PLEKHA7: variants seen among roughly 807,000 people sequenced by gnomAD.
PLEKHA7 encodes the protein pleckstrin homology domain-containing family A member 7.
A neutral mutation model predicts 170.0 loss-of-function variants in PLEKHA7; 104 were observed. The observed-to-expected ratio is 0.61, with a 90% CI of 0.52 to 0.72. The LOEUF is 0.72. PLEKHA7 is among the 30% of genes least tolerant of loss of function. PLEKHA7 has a pLI of 0.00. For missense variants in PLEKHA7, 1,615 were observed against 1,671.7 expected (o/e 0.97, Z 0.59); for synonymous variants, 648 against 660.8 (o/e 0.98, Z 0.30).
chr11:16,819,991 T>C (rs1385413378), intron 10 of PLEKHA7, among the ~76,000 whole-genome samples: 1 of 152,254 alleles, frequency 6.6e-6, no homozygotes, highest in South Asian at 2.1e-4. Context: ...TGAATGTCAA[T>C]TGGTTTGATG....
chr11:16,934,740 T>G (rs2136350787), intron 3 of PLEKHA7, among the ~76,000 whole-genome samples: 1 of 152,342 alleles, frequency 6.6e-6, no homozygotes, highest in Non-Finnish European at 1.5e-5. Flanking sequence ...GAATACTCAG[T>G]GTATGGTCTT....
At chr11:16,942,951 C>T (rs992316782) in intron 3 of PLEKHA7, among the ~76,000 whole-genome samples, 11 of 152,296 alleles carry the variant, frequency 7.2e-5, no homozygotes, top group South Asian at 4.1e-4. Context: ...ACAATGCTAA[C>T]GCTCAAAGTT....
intron 3 of PLEKHA7, among the ~76,000 whole-genome samples, chr11:16,936,664 G>T (rs1860327149): frequency 6.6e-6 from 1 of 152,156 alleles, no homozygotes; most frequent in African/African-American, 2.4e-5. Flanking sequence ...TAATGCATCT[G>T]CACTTCAGGA....
At chr11:16,870,529 T>C (rs1047455399) in intron 4 of PLEKHA7, among the ~76,000 whole-genome samples, 1 of 150,880 alleles carries the variant, frequency 6.6e-6, no homozygotes, top group African/African-American at 2.4e-5. Flanking sequence ...CTTGGGCGGC[T>C]GAGACAGGAG....
intron 8 of PLEKHA7, among the ~76,000 whole-genome samples, 165 bp from the exon 9 acceptor site, chr11:16,841,887 G>A (rs533935954): frequency 6.6e-6 from 1 of 152,248 alleles, no homozygotes; most frequent in African/African-American, 2.4e-5. Context: ...CTCTTTCTTA[G>A]TGCAGCCAGG....
chr11:16,986,403 C>T (rs1437382740), intron 3 of PLEKHA7, among the ~76,000 whole-genome samples: 2 of 152,036 alleles, frequency 1.3e-5, no homozygotes, highest in Non-Finnish European at 2.9e-5. Flanking sequence ...TCGAATGAGC[C>T]CAGACACATT....
chr11:16,976,723 A>G (rs1863088731), intron 3 of PLEKHA7, among the ~76,000 whole-genome samples: 1 of 152,212 alleles, frequency 6.6e-6, no homozygotes. Context: ...CAAGCTATGG[A>G]ACAAACTGTT....
At chr11:16,919,561 T>C (rs1190431649) in intron 3 of PLEKHA7, among the ~76,000 whole-genome samples, 3 of 151,684 alleles carry the variant, frequency 2.0e-5, no homozygotes, top group Non-Finnish European at 4.4e-5. Flanking sequence ...TGTAGTCCTA[T>C]CTTCTTGGGG....
At chr11:16,875,524 G>C (rs965973641) in intron 3 of PLEKHA7, among the ~76,000 whole-genome samples, 2 of 151,864 alleles carry the variant, frequency 1.3e-5, no homozygotes, top group Non-Finnish European at 2.9e-5. Flanking sequence ...TCAGCTCACA[G>C]TAGCTTCGAC....
intron 26 of PLEKHA7, among the ~76,000 whole-genome samples, chr11:16,779,826 G>C (rs910106395): frequency 9.9e-5 from 15 of 152,264 alleles, no homozygotes; most frequent in Admixed American, 8.5e-4. Context: ...AGAGCTGCTC[G>C]GGGCGGCCCA....
At chr11:16,908,067 A>G (rs540654332) in intron 3 of PLEKHA7, among the ~76,000 whole-genome samples, 1 of 151,738 alleles carries the variant, frequency 6.6e-6, no homozygotes, top group Non-Finnish European at 1.5e-5. Context: ...TGAAGGCAGC[A>G]TGCTCGTTAA....
At chr11:16,801,571 C>A (rs2134391464) in intron 16 of PLEKHA7, 97 bp downstream of exon 16, 1 of 1,468,788 alleles carries the variant, frequency 6.8e-7, no homozygotes, top group East Asian at 2.4e-5. Flanking sequence ...AGGACTCTTG[C>A]CTCTGGACAC....
chr11:16,916,917 T>C (rs1299441547), intron 3 of PLEKHA7, among the ~76,000 whole-genome samples: 3 of 152,140 alleles, frequency 2.0e-5, no homozygotes, highest in African/African-American at 7.2e-5. Flanking sequence ...ACTACCACTA[T>C]TATCAAAAGT....
chr11:16,951,031 T>C (rs1861374252), intron 3 of PLEKHA7, among the ~76,000 whole-genome samples: 2 of 152,206 alleles, frequency 1.3e-5, no homozygotes, highest in African/African-American at 4.8e-5. Context: ...CCCAACATCC[T>C]TCTATTCTTT....
At chr11:16,842,625 AG>A (rs1370236092) in intron 8 of PLEKHA7, 1 of 152,136 alleles carries the variant, frequency 6.6e-6, no homozygotes, top group Non-Finnish European at 1.5e-5. Context: ...TCTCAAAAAA[AG>A]GTACTCAGAA....
At chr11:16,923,843 C>T (rs1859284576) in intron 3 of PLEKHA7, among the ~76,000 whole-genome samples, 1 of 152,180 alleles carries the variant, frequency 6.6e-6, no homozygotes, top group Non-Finnish European at 1.5e-5. Flanking sequence ...TTCCTCATCG[C>T]ACTTACTCTA....
intron 3 of PLEKHA7, among the ~76,000 whole-genome samples, chr11:17,007,245 C>T (rs1865055786): frequency 2.0e-5 from 3 of 152,092 alleles, no homozygotes; most frequent in Admixed American, 1.3e-4. Flanking sequence ...TTATATTCTA[C>T]AATATAGAAA....
intron 9 of PLEKHA7, among the ~76,000 whole-genome samples, chr11:16,827,573 G>C (rs1358571886): frequency 1.3e-5 from 2 of 152,140 alleles, no homozygotes; most frequent in Non-Finnish European, 2.9e-5. Context: ...AGGAGCTTTG[G>C]TACATGGTGG....
chr11:16,795,810 G>T (rs1366634296), intron 17 of PLEKHA7, among the ~76,000 whole-genome samples: 1 of 149,550 alleles, frequency 6.7e-6, no homozygotes, highest in East Asian at 2.0e-4. Context: ...AATAATAAAG[G>T]TGGTAAATTT....
Sources: gnomAD v4.1 joint callset for allele counts (sites outside exome capture counted in the v4.1 genomes callset) on GRCh38, gnomAD v4.1.1 for gene constraint, MANE v1.5 for transcripts, NCBI Gene and HGNC (gene_info 2026-07-23, HGNC 2026-07-21) for gene names.